The following PIBF1 variants were observed in gnomAD, a reference collection of about 807,000 sequenced individuals.
The protein encoded by PIBF1 is progesterone-induced-blocking factor 1.
A neutral mutation model predicts 112.5 loss-of-function variants in PIBF1; 90 were observed. The ratio of observed to expected loss-of-function variants is 0.80; its 90% CI spans 0.67 to 0.95. PIBF1 has a LOEUF of 0.95. Among genes scored for constraint, PIBF1 ranks in the 40% least tolerant of loss-of-function variants. The probability of loss-of-function intolerance (pLI) is 0.00; values close to 1 mark genes in which losing one functional copy is unlikely to be tolerated. For missense variants in PIBF1, 915 were observed against 852.3 expected (o/e 1.07, Z -0.92); for synonymous variants, 301 against 288.6 (o/e 1.04, Z -0.44).
Position 72,844,789 on chromosome 13 carries a change from A to ACACACACACACG in PIBF1, c.1224-9267_1224-9256dup, listed in dbSNP as rs1555296218. 3.6e-3 allele frequency among the ~76,000 whole-genome samples: 427 copies of ACACACACACACG among 119,616 alleles called. 57 individuals carry two copies. The highest frequency in any genetic ancestry group is 0.014 in the African/African-American group (359 of 26,310). 78.5% of individuals were successfully genotyped at this position (119,616 alleles called of 152,430 possible). ...CACACACACACACACACACACACAC[A>ACACACACACACG]CACACACACACGGATGAAGTCTTAC... On this transcript the variant is annotated intron_variant, in intron 9 of 17. Coordinates refer to ENST00000326291, the MANE Select transcript of PIBF1 (RefSeq NM_006346.4).
intron 16 of PIBF1, among the ~76,000 whole-genome samples, chr13:72,976,222 C>A (rs11148928): frequency 2.0e-5 from 3 of 151,838 alleles, no homozygotes; most frequent in African/African-American, 4.8e-5. Flanking sequence ...CTGATCTCAC[C>A]TGTGAATAGC....
intron 9 of PIBF1, among the ~76,000 whole-genome samples, chr13:72,852,485 G>T (rs181668458): frequency 1.3e-5 from 2 of 152,184 alleles, no homozygotes; most frequent in Non-Finnish European, 2.9e-5. Context: ...CACTTGGCTT[G>T]CCCTCAGCAG....
intron 17 of PIBF1, among the ~76,000 whole-genome samples, chr13:73,014,888 A>G (rs1566550344): frequency 6.6e-6 from 1 of 152,052 alleles, no homozygotes; most frequent in South Asian, 2.1e-4. Flanking sequence ...TCCCAGGTTC[A>G]ATTCTCCTGT....
chr13:72,881,524 T>C (rs2039634119), intron 10 of PIBF1, among the ~76,000 whole-genome samples: 1 of 152,098 alleles, frequency 6.6e-6, no homozygotes, highest in African/African-American at 2.4e-5. Flanking sequence ...GAGACCAGCC[T>C]GGCCAACATG....
At chr13:73,015,769 G>C in intron 17 of PIBF1, 100 bp from the exon 18 acceptor site, 1 of 489,912 alleles carries the variant, frequency 2.0e-6, no homozygotes, top group Non-Finnish European at 3.4e-6. Flanking sequence ...TTTTAGTATA[G>C]CTTACATAAA....
intron 3 of PIBF1, among the ~76,000 whole-genome samples, chr13:72,793,964 T>C (rs2035064161): frequency 6.6e-6 from 1 of 152,260 alleles, no homozygotes; most frequent in African/African-American, 2.4e-5. Flanking sequence ...CATTAGGCTA[T>C]AGACAGTATT....
At chr13:72,803,350 TAGA>T (rs907959241) in intron 5 of PIBF1, among the ~76,000 whole-genome samples, 1 of 152,006 alleles carries the variant, frequency 6.6e-6, no homozygotes, top group Non-Finnish European at 1.5e-5. Flanking sequence ...TCGACAACGG[TAGA>T]AGGACATTCA....
chr13:72,994,428 C>T (rs1245530647), intron 16 of PIBF1, among the ~76,000 whole-genome samples: 2 of 152,166 alleles, frequency 1.3e-5, no homozygotes, highest in Admixed American at 1.3e-4. Context: ...AAATCAATGG[C>T]ATGATTTTTG....
chr13:72,985,011 T>C (rs982637041), intron 16 of PIBF1, among the ~76,000 whole-genome samples: 2 of 152,198 alleles, frequency 1.3e-5, no homozygotes, highest in African/African-American at 4.8e-5. Flanking sequence ...GCTTGTGATA[T>C]GTTTTCGGTT....
rs1253541258 is a variant in PIBF1 at position 72,799,786 on chromosome 13, A to G, written c.672+1760A>G. Among the ~76,000 whole-genome samples the G allele has an allele frequency of 2.6e-5, 4 of 152,270 alleles. No homozygotes were observed. In the East Asian group the frequency reaches 7.7e-4, roughly 29 times the overall value. ...ACCTTATGGTACCTCAGCATCCCTCAAGGACTTCTTACTGTGTAGTAGGAG... is the reference window on the plus strand; with the variant it reads ...ACCTTATGGTACCTCAGCATCCCTCGAGGACTTCTTACTGTGTAGTAGGAG... On this transcript the variant is annotated intron_variant, in intron 5 of 17. Transcript: ENST00000326291.
chr13:72,892,433 A>G (rs1441696055), intron 10 of PIBF1, among the ~76,000 whole-genome samples: 1 of 152,000 alleles, frequency 6.6e-6, no homozygotes, highest in African/African-American at 2.4e-5. Flanking sequence ...TTTGAATGGT[A>G]TTTTCACTCA....
chr13:72,792,007 G>A (rs2034955761), intron 2 of PIBF1, among the ~76,000 whole-genome samples: 2 of 151,842 alleles, frequency 1.3e-5, no homozygotes, highest in African/African-American at 4.8e-5. Flanking sequence ...CAAAACTGGA[G>A]GCAGGAGGCC....
At chr13:73,004,826 A>G (rs963934368) in intron 17 of PIBF1, among the ~76,000 whole-genome samples, 2 of 152,194 alleles carry the variant, frequency 1.3e-5, no homozygotes, top group Admixed American at 6.5e-5. Context: ...AAAGAGTTCT[A>G]TGGATGGACA....
At chr13:72,900,712 C>T (rs1463602074) in intron 11 of PIBF1, among the ~76,000 whole-genome samples, 1 of 152,128 alleles carries the variant, frequency 6.6e-6, no homozygotes, top group Non-Finnish European at 1.5e-5. Flanking sequence ...GACCAGAAAC[C>T]CAAAAGCAAT....
chr13:72,969,485 T>G (rs1394181632), intron 15 of PIBF1: 1 of 152,222 alleles, frequency 6.6e-6, no homozygotes, highest in Non-Finnish European at 1.5e-5. Flanking sequence ...AACTACCTTC[T>G]AAAGTGAAAA....
At chr13:72,798,128 G>A in intron 5 of PIBF1, 102 bp downstream of exon 5, 1 of 1,211,742 alleles carries the variant, frequency 8.3e-7, no homozygotes, top group Non-Finnish European at 1.1e-6. Context: ...ATTGAAAAAT[G>A]GGACTATGGG....
chr13:72,926,327 A>G (rs2041482812), intron 13 of PIBF1, among the ~76,000 whole-genome samples: 1 of 152,262 alleles, frequency 6.6e-6, no homozygotes, highest in Non-Finnish European at 1.5e-5. Context: ...GTGCTATCAT[A>G]TGAATAGTAT....
intron 16 of PIBF1, among the ~76,000 whole-genome samples, chr13:72,995,300 C>CAA (rs1363475945): frequency 3.8e-4 from 33 of 86,822 alleles, no homozygotes; most frequent in Non-Finnish European, 4.8e-4. Flanking sequence ...GACTCCGTCT[C>CAA]AAAAAAAAAA....
intron 14 of PIBF1, among the ~76,000 whole-genome samples, chr13:72,933,112 C>T (rs761205484): frequency 7.2e-5 from 11 of 152,076 alleles, no homozygotes; most frequent in Non-Finnish European, 1.5e-4. Context: ...AACAAACAAA[C>T]CTCTGTTTGC....
Sources: allele counts gnomAD v4.1 joint callset (sites outside exome capture counted in the v4.1 genomes callset), GRCh38; gene constraint gnomAD v4.1.1; transcripts MANE v1.5; gene names NCBI Gene and HGNC (gene_info 2026-07-23, HGNC 2026-07-21).